Variants in TLE3 observed in about 807,000 individuals in gnomAD.
TLE3 encodes TLE family member 3, transcriptional corepressor.
Under a neutral mutation model 93.0 loss-of-function variants are expected in TLE3, and 14 were observed. The ratio of observed to expected loss-of-function variants is 0.15; its 90% CI spans 0.10 to 0.24. The LOEUF is 0.24. TLE3 is among the 10% of genes least tolerant of loss of function. The pLI, the probability that TLE3 is intolerant of heterozygous loss-of-function variation, is 1.00. For synonymous variants in TLE3, 451 were observed against 425.0 expected, an observed-to-expected ratio of 1.06 and a Z score of -0.75; for missense variants, 693 against 1,046.6, an observed-to-expected ratio of 0.66 and a Z score of 4.66.
chr15:70,050,422 C>T, intron 19 of TLE3: 1 of 476,802 alleles, frequency 2.1e-6, no homozygotes, highest in East Asian at 3.6e-5. Flanking sequence ...GTAGAGCTCC[C>T]CTCCCACCTG....
chr15:70,076,771 T>C (rs2057467163), intron 4 of TLE3, among the ~76,000 whole-genome samples: 1 of 152,086 alleles, frequency 6.6e-6, no homozygotes, highest in African/African-American at 2.4e-5. Context: ...CCCAGGCTGG[T>C]GTACAGTGGT....
intron 2 of TLE3, 47 bp downstream of exon 2, chr15:70,096,114 G>A (rs950166862): frequency 3.4e-6 from 5 of 1,480,420 alleles, no homozygotes; most frequent in Admixed American, 4.3e-5. Flanking sequence ...CCGCGCAGGG[G>A]ACCCACCCCT....
At chr15:70,063,230 G>A (rs1420174556) in intron 8 of TLE3, among the ~76,000 whole-genome samples, 1 of 152,174 alleles carries the variant, frequency 6.6e-6, no homozygotes, top group East Asian at 1.9e-4. Flanking sequence ...CATAAAGCTG[G>A]GACCAGACCT....
chr15:70,057,743 G>A, intron 12 of TLE3, 85 bp from the exon 13 acceptor site: 1 of 1,467,084 alleles, frequency 6.8e-7, no homozygotes, highest in Non-Finnish European at 9.2e-7. Context: ...AACCCTCCCT[G>A]CATTCTTAAG....
At chr15:70,076,639 G>T (rs1291092428) in intron 4 of TLE3, among the ~76,000 whole-genome samples, 1 of 152,020 alleles carries the variant, frequency 6.6e-6, no homozygotes, top group Non-Finnish European at 1.5e-5. Context: ...GGGTTCCCTG[G>T]GACTAGCCTC....
intron 16 of TLE3, 62 bp downstream of exon 16, chr15:70,054,373 GACC>G: frequency 6.4e-7 from 1 of 1,562,516 alleles, no homozygotes. Context: ...CAGCAAACAA[GACC>G]AGGCAGGATG....
rs556319635 is a variant in TLE3, at chr15:70,095,346, G to A, written c.189+232C>T. On this transcript the variant is annotated intron_variant, in intron 3 of 19. Transcript: ENST00000451782. The stretch of plus-strand genomic sequence containing the variant: ...ACATAAAGATAGTACAGAAGTCTCC[G>A]GCCTGGAATCGGGGTTTCTCTTTCT... 6.5e-5 allele frequency: 92 copies of A among 1,425,792 alleles called. No individual in the cohort carries two copies. In the South Asian group the frequency reaches 1.3e-3, roughly 20 times the overall value. 88.3% of individuals were successfully genotyped at this position (1,425,792 alleles called of 1,614,324 possible).
At chr15:70,069,769 A>G (rs2057034212) in intron 6 of TLE3, among the ~76,000 whole-genome samples, 1 of 152,254 alleles carries the variant, frequency 6.6e-6, no homozygotes, top group African/African-American at 2.4e-5. Context: ...AGAGAGTGAA[A>G]CGAAGATTTT....
At chr15:70,059,672 G>A (rs901990449) in intron 9 of TLE3, among the ~76,000 whole-genome samples, 4 of 152,142 alleles carry the variant, frequency 2.6e-5, no homozygotes, top group South Asian at 2.1e-4. Context: ...CCCAGGCCCC[G>A]GGTTACTCCA....
At chr15:70,054,965 G>C (rs2055890222) in intron 15 of TLE3, 84 bp downstream of exon 15, 1 of 1,490,692 alleles carries the variant, frequency 6.7e-7, no homozygotes, top group Non-Finnish European at 8.9e-7. Flanking sequence ...TGCTGAGCCA[G>C]GCCCTGGGGC....
chr15:70,097,792 G>A lies in TLE3; in HGVS notation c.-994C>T, dbSNP rs908411504. The stretch of plus-strand genomic sequence containing the variant: ...ACACACACACCCAACACACACACAC[G>A]CGCGCACGCACACACACACACACCA... On this transcript the variant is annotated 5_prime_UTR_variant, in exon 1 of 20. Coordinates refer to ENST00000451782, the MANE Select transcript of TLE3 (RefSeq NM_001105192.3). 14 of 369,226 alleles carry A rather than the reference G, an allele frequency of 3.8e-5. No homozygotes were observed. In the East Asian group the frequency reaches 4.5e-4, roughly 12 times the overall value. 22.9% of individuals were successfully genotyped at this position (369,226 alleles called of 1,614,324 possible).
At position 70,092,706 on chromosome 15, in the gene TLE3, A is replaced by G. The variant is rs546705125; in HGVS notation, c.234+1826T>C. 1.8e-4 allele frequency among the ~76,000 whole-genome samples: 28 copies of G among 152,372 alleles called. No homozygotes were observed. In the South Asian group the frequency reaches 5.8e-3, roughly 32 times the overall value. On this transcript the variant is annotated intron_variant, in intron 4 of 19. Coordinates refer to ENST00000451782, the MANE Select transcript of TLE3 (RefSeq NM_001105192.3). ...TATAAACCCCACCACCAAATGCGTT[A>G]AGATATTTAACTCTTCCTGCGTTCA...
chr15:70,070,621 G>A (rs982591945), intron 6 of TLE3, among the ~76,000 whole-genome samples: 2 of 152,196 alleles, frequency 1.3e-5, no homozygotes, highest in African/African-American at 4.8e-5. Context: ...ATAGCTTTTA[G>A]TGCTCACAAC....
chr15:70,058,840 T>C lies in TLE3; in HGVS notation c.766-25A>G. The C allele has an allele frequency of 6.5e-7, 1 of 1,531,976 alleles. No homozygotes were observed. Among genetic ancestry groups the C allele is most frequent in the Non-Finnish European group, 8.8e-7 (1 of 1,141,164 alleles). 94.9% of individuals were successfully genotyped at this position (1,531,976 alleles called of 1,614,324 possible). On this transcript the variant is annotated intron_variant, in intron 10 of 19. Transcript: ENST00000451782. The surrounding 1 kb of genome is among the most constrained non-coding windows in gnomAD (Gnocchi z 4.1). ...CCTGAAAACACAAGTGATGCAGAGATGCACTGAAAGCAACAGCCAGCCTCG... is the reference window on the plus strand; with the variant it reads ...CCTGAAAACACAAGTGATGCAGAGACGCACTGAAAGCAACAGCCAGCCTCG...
intron 6 of TLE3, among the ~76,000 whole-genome samples, chr15:70,071,431 C>G (rs190759849): frequency 6.6e-6 from 1 of 152,204 alleles, no homozygotes; most frequent in Non-Finnish European, 1.5e-5. Flanking sequence ...TTCACACATG[C>G]CACCCTGACC....
intron 8 of TLE3, among the ~76,000 whole-genome samples, chr15:70,061,116 C>T (rs149400472): frequency 4.0e-4 from 61 of 152,218 alleles, no homozygotes; most frequent in Middle Eastern, 3.4e-3. Flanking sequence ...CTGAGCCCGA[C>T]AGGAATGGGG....
chr15:70,096,600 G>A, intron 1 of TLE3, 175 bp downstream of exon 1: 1 of 1,537,286 alleles, frequency 6.5e-7, no homozygotes, highest in Non-Finnish European at 8.7e-7. Context: ...CACTCGCGCG[G>A]AATTAACCTC....
At chr15:70,086,809 C>T (rs1213118603) in intron 4 of TLE3, among the ~76,000 whole-genome samples, 1 of 152,156 alleles carries the variant, frequency 6.6e-6, no homozygotes, top group East Asian at 1.9e-4. Flanking sequence ...CAGCACTTGT[C>T]TCTTCCGCAT....
At chr15:70,076,048 T>C (rs778965832) in intron 5 of TLE3, 48 bp downstream of exon 5, 6 of 1,583,584 alleles carry the variant, frequency 3.8e-6, no homozygotes, top group African/African-American at 1.3e-5. Context: ...CACCAGCCAC[T>C]GGGCTGATTT....
Sources: allele counts gnomAD v4.1 joint callset (sites outside exome capture counted in the v4.1 genomes callset), GRCh38; gene constraint gnomAD v4.1.1; non-coding constraint Gnocchi (gnomAD v3.1); transcripts MANE v1.5; gene names NCBI Gene and HGNC (gene_info 2026-07-23, HGNC 2026-07-21).